MMP16: variants seen among roughly 807,000 people sequenced by gnomAD.
MMP16 encodes the protein matrix metalloproteinase-16.
A neutral mutation model predicts 67.8 loss-of-function variants in MMP16; 12 were observed. The observed-to-expected ratio is 0.18, with a 90% CI of 0.11 to 0.29. The LOEUF (loss-of-function observed/expected upper bound fraction) is 0.29. MMP16 is among the 10% of genes least tolerant of loss of function. The pLI, the probability that MMP16 is intolerant of heterozygous loss-of-function variation, is 1.00. For synonymous variants in MMP16, 249 were observed against 255.9 expected (o/e 0.97, Z 0.26); for missense variants, 475 against 765.7 (o/e 0.62, Z 4.48).
chr8:88,090,960 GA>G (rs2118343546), intron 6 of MMP16, among the ~76,000 whole-genome samples: 1 of 151,938 alleles, frequency 6.6e-6, no homozygotes, highest in East Asian at 1.9e-4. Context: ...GAAAATCCTG[GA>G]AGGGGGAAAG....
At chr8:88,161,179 G>T (rs1406596534) in intron 4 of MMP16, among the ~76,000 whole-genome samples, 1 of 152,110 alleles carries the variant, frequency 6.6e-6, no homozygotes, top group Non-Finnish European at 1.5e-5. Flanking sequence ...TCTGGTCCTG[G>T]AGTTTTTTTG....
chr8:88,063,832 T>C (rs1037509588), intron 7 of MMP16, among the ~76,000 whole-genome samples: 3 of 152,056 alleles, frequency 2.0e-5, no homozygotes, highest in African/African-American at 7.2e-5. Context: ...TTCCCTCCTT[T>C]ATCAACTCAT....
chr8:88,083,692 T>C (rs1294686789), intron 6 of MMP16, among the ~76,000 whole-genome samples: 1 of 151,988 alleles, frequency 6.6e-6, no homozygotes, highest in African/African-American at 2.4e-5. Flanking sequence ...GAAGAAAAAA[T>C]GTAGTTCATC....
chr8:88,175,933 T>C (rs7812981), intron 3 of MMP16, among the ~76,000 whole-genome samples: 81,500 of 152,122 alleles, frequency 0.54, 22,614 homozygotes, highest in East Asian at 0.73. Flanking sequence ...TGTGCCTTTG[T>C]TCCTCCTTTG....
Position 88,186,551 on chromosome 8 carries a change from CTA to C in MMP16, c.327_328del (p.Ser110LeufsTer37), listed in dbSNP as rs771733260. On this transcript the variant is annotated frameshift_variant, in exon 3 of 10. Transcript: ENST00000286614. LOFTEE classifies it high-confidence loss of function. ...CTTTCGACGAATATGAAATTTGGAG[CTA>C]CCTCTTGTCTGGTCAGGTACACCGC... 1 of 1,599,072 alleles carries C rather than the reference CTA, an allele frequency of 6.3e-7. No individual in the cohort carries two copies. The highest frequency in any genetic ancestry group is 1.1e-5 in the South Asian group (1 of 90,692).
intron 3 of MMP16, among the ~76,000 whole-genome samples, chr8:88,174,600 A>T (rs1465917368): frequency 6.6e-6 from 1 of 152,206 alleles, no homozygotes; most frequent in Non-Finnish European, 1.5e-5. Context: ...TTTTCCAATC[A>T]TTTAAAACAT....
chr8:88,187,898 C>T (rs1335695050), intron 2 of MMP16, among the ~76,000 whole-genome samples: 1 of 152,092 alleles, frequency 6.6e-6, no homozygotes, highest in Non-Finnish European at 1.5e-5. Flanking sequence ...AATTCTTCCC[C>T]TTTATTAAAG....
At chr8:88,139,907 C>A (rs934834346) in intron 4 of MMP16, among the ~76,000 whole-genome samples, 3 of 151,964 alleles carry the variant, frequency 2.0e-5, no homozygotes, top group African/African-American at 7.3e-5. Flanking sequence ...TAGAAAATAA[C>A]CTTCTTTTCT....
At chr8:88,225,678 CAA>C (rs1445422649) in intron 1 of MMP16, among the ~76,000 whole-genome samples, 1 of 151,680 alleles carries the variant, frequency 6.6e-6, no homozygotes, top group African/African-American at 2.4e-5. Context: ...CACACACACA[CAA>C]GTGCTCAAGT....
intron 2 of MMP16, among the ~76,000 whole-genome samples, chr8:88,192,985 G>T (rs6990910): frequency 6.6e-6 from 1 of 151,986 alleles, no homozygotes; most frequent in South Asian, 2.1e-4. Flanking sequence ...TCACTATGGA[G>T]AAGAGTATGG....
intron 1 of MMP16, among the ~76,000 whole-genome samples, chr8:88,288,022 T>C (rs1353763223): frequency 6.6e-6 from 1 of 152,224 alleles, no homozygotes; most frequent in African/African-American, 2.4e-5. Context: ...GTAACACAAA[T>C]GCATGCACTA....
At chr8:88,155,748 C>T (rs567501390) in intron 4 of MMP16, among the ~76,000 whole-genome samples, 1 of 152,032 alleles carries the variant, frequency 6.6e-6, no homozygotes, top group Admixed American at 6.6e-5. Flanking sequence ...TAATAACAGG[C>T]TTTTGTTTCC....
At chr8:88,208,843 GA>G (rs1177690756) in intron 1 of MMP16, among the ~76,000 whole-genome samples, 12 of 140,034 alleles carry the variant, frequency 8.6e-5, no homozygotes, top group Non-Finnish European at 1.3e-4. Flanking sequence ...AGGAAGAAAA[GA>G]AAAAAAAATA....
At chr8:88,074,766 T>C (rs1485057484) in intron 6 of MMP16, 23 bp from the exon 7 acceptor site, 1 of 1,608,510 alleles carries the variant, frequency 6.2e-7, no homozygotes, top group African/African-American at 1.3e-5. Flanking sequence ...CAAAGGCATC[T>C]CTCAACAAAC....
intron 1 of MMP16, among the ~76,000 whole-genome samples, chr8:88,208,918 C>T (rs1031087453): frequency 1.3e-5 from 2 of 151,594 alleles, no homozygotes; most frequent in South Asian, 4.2e-4. Flanking sequence ...TGATGGATAC[C>T]ACACCAGAAT....
intron 9 of MMP16, among the ~76,000 whole-genome samples, chr8:88,046,305 C>A (rs971404555): frequency 1.2e-4 from 18 of 152,122 alleles, no homozygotes; most frequent in Non-Finnish European, 1.6e-4. Context: ...AGATATAATA[C>A]CTCGAGTGGC....
At position 88,071,531 on chromosome 8, in the gene MMP16, C is replaced by T. The variant is rs551194802; in HGVS notation, c.1222+3074G>A. Among the ~76,000 whole-genome samples, 7 of 151,092 alleles carry T rather than the reference C, an allele frequency of 4.6e-5. No individual in the cohort carries two copies. The East Asian group carries it at 1.4e-3, about 29-fold the overall frequency. On this transcript the variant is annotated intron_variant, in intron 7 of 9. Transcript: ENST00000286614. ...TTTCTGTAGAGAGAGAAGAAGAAAA[C>T]AAAGATAAATAATGTAAGGCAAAGA...
At chr8:88,308,501 A>C (rs1563591431) in intron 1 of MMP16, among the ~76,000 whole-genome samples, 1 of 152,052 alleles carries the variant, frequency 6.6e-6, no homozygotes, top group Non-Finnish European at 1.5e-5. Flanking sequence ...CATTTGTCTT[A>C]AGCCATTACA....
At chr8:88,097,625 C>CAAAA (rs34488162) in intron 6 of MMP16, among the ~76,000 whole-genome samples, 848 of 67,158 alleles carry the variant, frequency 0.013, 16 homozygotes, top group African/African-American at 0.047. Flanking sequence ...AACCCTGTCT[C>CAAAA]AAAAAAAAAA....
Sources: allele counts gnomAD v4.1 joint callset (sites outside exome capture counted in the v4.1 genomes callset), GRCh38; gene constraint gnomAD v4.1.1; transcripts MANE v1.5; gene names NCBI Gene and HGNC (gene_info 2026-07-23, HGNC 2026-07-21).